Variants in NTN1 observed in about 807,000 individuals in gnomAD.
The protein encoded by NTN1 is netrin-1.
Under a neutral mutation model 54.2 loss-of-function variants are expected in NTN1, and 11 were observed. The observed-to-expected ratio is 0.20, with a 90% CI of 0.13 to 0.34. The LOEUF is 0.34. Ranked by LOEUF, NTN1 falls within the 10% of genes least tolerant of loss-of-function variation. NTN1 has a pLI of 1.00. For synonymous variants in NTN1, 371 were observed against 382.0 expected, an observed-to-expected ratio of 0.97 and a Z score of 0.33; for missense variants, 740 against 893.1, an observed-to-expected ratio of 0.83 and a Z score of 2.18.
chr17:9,203,467 A>T (rs1904869848), intron 5 of NTN1, among the ~76,000 whole-genome samples: 1 of 152,130 alleles, frequency 6.6e-6, no homozygotes, highest in South Asian at 2.1e-4. Context: ...TCTGTAAAGT[A>T]GGGAGGAAAT....
At chr17:9,069,358 T>C (rs1370285747) in intron 2 of NTN1, among the ~76,000 whole-genome samples, 1 of 152,206 alleles carries the variant, frequency 6.6e-6, no homozygotes, top group Non-Finnish European at 1.5e-5. Context: ...TGGTCTTCTT[T>C]AAGAATCAGT....
intron 3 of NTN1, among the ~76,000 whole-genome samples, chr17:9,163,901 T>C (rs958867580): frequency 2.0e-5 from 3 of 152,178 alleles, no homozygotes; most frequent in Non-Finnish European, 4.4e-5. Context: ...CAAGAAGATA[T>C]TTACCTCTGA....
At chr17:9,032,936 T>G (rs1474233881) in intron 2 of NTN1, among the ~76,000 whole-genome samples, 1 of 147,398 alleles carries the variant, frequency 6.8e-6, no homozygotes, top group Non-Finnish European at 1.5e-5. Flanking sequence ...TGCTTCTTGC[T>G]CCAATCCACA....
Position 9,226,064 on chromosome 17 carries a change from G to A in NTN1, c.1486+4822G>A, listed in dbSNP as rs1037160772. Among the ~76,000 whole-genome samples the A allele has an allele frequency of 6.6e-5, 10 of 151,066 alleles. No individual in the cohort carries two copies. In the East Asian group the frequency reaches 9.9e-4, roughly 15 times the overall value. On this transcript the variant is annotated intron_variant, in intron 6 of 6. Transcript: ENST00000173229. Reference sequence around the variant, plus strand: ...AAGGGGCCTGTGGGCTCGGGGCGCCGGCCCTGTCCCGTGTTCTCTCGGGCA... The same window carrying A: ...AAGGGGCCTGTGGGCTCGGGGCGCCAGCCCTGTCCCGTGTTCTCTCGGGCA...
At chr17:9,131,936 G>A (rs1301541524) in intron 2 of NTN1, among the ~76,000 whole-genome samples, 1 of 151,760 alleles carries the variant, frequency 6.6e-6, no homozygotes, top group African/African-American at 2.4e-5. Flanking sequence ...CCTAATAGCC[G>A]GGACTACAGG....
In NTN1 at chr17:9,179,655, G is replaced by A. The variant is rs541141891; in HGVS notation, c.1208-152G>A. ...GTGGGTGGCCAGTGTCAGAGCTTCCGGAGTGCGTTTGGGCTTGGCTGGGCC... is the reference window on the plus strand; with the variant it reads ...GTGGGTGGCCAGTGTCAGAGCTTCCAGAGTGCGTTTGGGCTTGGCTGGGCC... On this transcript the variant is annotated intron_variant, in intron 3 of 6. Coordinates refer to ENST00000173229, the MANE Select transcript of NTN1 (RefSeq NM_004822.3). The A allele has an allele frequency of 1.5e-4, 135 of 919,164 alleles. 1 individual carries two copies. In the African/African-American group the frequency reaches 2.1e-3, roughly 14 times the overall value. The allele number at this position is 919,164 out of a possible 1,614,324, so 56.9% of individuals were successfully genotyped here.
intron 3 of NTN1, among the ~76,000 whole-genome samples, chr17:9,166,534 G>A (rs905153410): frequency 2.0e-5 from 3 of 152,030 alleles, no homozygotes; most frequent in African/African-American, 7.2e-5. Context: ...TAGATATGGG[G>A]TTTCATCATG....
chr17:9,194,061 C>A (rs554865980), intron 5 of NTN1, among the ~76,000 whole-genome samples: 2 of 151,536 alleles, frequency 1.3e-5, no homozygotes, highest in South Asian at 4.2e-4. Flanking sequence ...CATAGTGAAA[C>A]CCCATCTCTA....
chr17:9,098,819 C>T (rs1265156458), intron 2 of NTN1, among the ~76,000 whole-genome samples: 1 of 152,094 alleles, frequency 6.6e-6, no homozygotes, highest in African/African-American at 2.4e-5. Context: ...TGTTTTTAAC[C>T]TCTAATACTC....
chr17:9,162,920 G>A lies in NTN1; in HGVS notation c.1126G>A (p.Ala376Thr), dbSNP rs754959235. Residue 376 changes from alanine to threonine, a missense_variant, in exon 3 of 7, where the codon GCC (alanine) becomes ACC (threonine). Ala to Thr is a moderately conservative substitution (Grantham distance 58). Transcript: ENST00000173229. ...CTGCCTCAACTGTCGCCACAACACC[G>A]CCGGCCGCCACTGCCATTACTGCAA... ...GVCLNCRHNT[A>T]GRHCHYCKEG... 9 of 1,611,108 alleles carry A rather than the reference G, an allele frequency of 5.6e-6. No individual in the cohort carries two copies. The highest frequency in any genetic ancestry group is 1.3e-5 in the African/African-American group (1 of 74,880).
intron 3 of NTN1, among the ~76,000 whole-genome samples, chr17:9,172,033 C>T (rs1374960759): frequency 6.6e-6 from 1 of 151,958 alleles, no homozygotes; most frequent in African/African-American, 2.4e-5. Flanking sequence ...GGATTACAGG[C>T]ATGCGCCACC....
chr17:9,090,908 C>T (rs2092108334), intron 2 of NTN1, among the ~76,000 whole-genome samples: 1 of 152,122 alleles, frequency 6.6e-6, no homozygotes, highest in Admixed American at 6.5e-5. Context: ...TCCTCCTTTC[C>T]ATGTCCTCCC....
At chr17:9,234,633 T>TGCCCTGAGCAGAGC (rs1905920028) in intron 6 of NTN1, among the ~76,000 whole-genome samples, 2 of 152,026 alleles carry the variant, frequency 1.3e-5, no homozygotes, top group African/African-American at 2.4e-5. Context: ...AGCAGAGCCC[T>TGCCCTGAGCAGAGC]GCCCTGAGCA....
upstream of NTN1, among the ~76,000 whole-genome samples, chr17:9,018,700 C>A (rs1277544259): frequency 1.3e-5 from 2 of 151,572 alleles, no homozygotes; most frequent in East Asian, 1.9e-4. Context: ...ACTTCTCAAT[C>A]CAGTCTTGTA....
chr17:9,219,822 C>T lies in NTN1; in HGVS notation c.1412-1346C>T, dbSNP rs767077711. On this transcript the variant is annotated intron_variant, in intron 5 of 6. Coordinates refer to ENST00000173229, the MANE Select transcript of NTN1 (RefSeq NM_004822.3). The surrounding 1 kb of genome is among the most constrained non-coding windows in gnomAD (Gnocchi z 4.5). ...CGCTGCCACCTGCCCCTGGAGCAGC[C>T]GCCCGTGTGTGTGCACGTGTGTGTG... Among the ~76,000 whole-genome samples the T allele has an allele frequency of 2.0e-5, 3 of 152,212 alleles. No homozygotes were observed. Among genetic ancestry groups the T allele is most frequent in the Non-Finnish European group, 2.9e-5 (2 of 68,036 alleles).
intron 2 of NTN1, among the ~76,000 whole-genome samples, chr17:9,147,323 G>A (rs899159205): frequency 5.9e-5 from 9 of 152,294 alleles, no homozygotes; most frequent in Admixed American, 1.3e-4. Context: ...GGCTAACACG[G>A]TGAAACCCCG....
chr17:9,021,824 C>G (rs2091849146), intron 1 of NTN1, among the ~76,000 whole-genome samples: 1 of 152,086 alleles, frequency 6.6e-6, no homozygotes, highest in Non-Finnish European at 1.5e-5. Flanking sequence ...CGCGGGCTCC[C>G]CGGAGGGGCC....
chr17:9,043,504 A>G (rs2091929760), intron 2 of NTN1, among the ~76,000 whole-genome samples: 1 of 152,092 alleles, frequency 6.6e-6, no homozygotes, highest in East Asian at 1.9e-4. Flanking sequence ...GGGTTCTTTT[A>G]TCCACTATTC....
Position 9,239,581 on chromosome 17 carries a change from C to CA in NTN1, c.1487-58dup, listed in dbSNP as rs1906113487. ...CCTTTCCCTTCTCCCCAGGCTCAGG[C>CA]AGGGCGGACCTAGCCACAGCAGCTG... is the stretch of plus-strand genomic sequence containing the variant. On this transcript the variant is annotated intron_variant, in intron 6 of 6. Transcript: ENST00000173229. The surrounding 1 kb of genome is among the most constrained non-coding windows in gnomAD (Gnocchi z 5.2). 1.3e-6 allele frequency: 2 copies of CA among 1,539,552 alleles called. No individual in the cohort carries two copies. Among genetic ancestry groups the CA allele is most frequent in the Non-Finnish European group, 1.8e-6 (2 of 1,124,746 alleles).
Sources: allele counts gnomAD v4.1 joint callset (sites outside exome capture counted in the v4.1 genomes callset), GRCh38; gene constraint gnomAD v4.1.1; non-coding constraint Gnocchi (gnomAD v3.1); transcripts MANE v1.5; gene names NCBI Gene and HGNC (gene_info 2026-07-23, HGNC 2026-07-21).